Variants in MYRIP observed in about 807,000 individuals in gnomAD.
MYRIP encodes the protein myosin VIIA and Rab interacting protein, also known as rab effector MyRIP.
A neutral mutation model predicts 98.0 loss-of-function variants in MYRIP; 49 were observed. The ratio of observed to expected loss-of-function variants is 0.50; its 90% confidence interval spans 0.40 to 0.63. MYRIP has a LOEUF of 0.63. Ranked by LOEUF, MYRIP falls within the 30% of genes least tolerant of loss-of-function variation. The pLI, the probability that MYRIP is intolerant of heterozygous loss-of-function variation, is 0.00. For synonymous variants in MYRIP, 404 were observed against 409.5 expected (o/e 0.99, Z 0.16); for missense variants, 1,004 against 1,058.2 (o/e 0.95, Z 0.71).
intron 2 of MYRIP, among the ~76,000 whole-genome samples, chr3:40,011,808 A>G (rs1414636123): frequency 6.6e-6 from 1 of 152,236 alleles, no homozygotes; most frequent in Non-Finnish European, 1.5e-5. Flanking sequence ...ATAAGTAAAT[A>G]CACAAAATGA....
intron 3 of MYRIP, among the ~76,000 whole-genome samples, chr3:40,123,736 G>A (rs919119793): frequency 2.0e-5 from 3 of 152,152 alleles, no homozygotes; most frequent in African/African-American, 7.2e-5. Context: ...GTCTGTGTGT[G>A]CCCCACCTGT....
At chr3:40,036,326 T>TAAAAAAAAAA (rs1947385173) in intron 2 of MYRIP, among the ~76,000 whole-genome samples, 1 of 44,770 alleles carries the variant, frequency 2.2e-5, no homozygotes, top group African/African-American at 6.2e-5. Context: ...AAAAAAAAAC[T>TAAAAAAAAAA]TTATTCAAAA....
At chr3:39,830,259 G>C (rs1474917774) in intron 1 of MYRIP, among the ~76,000 whole-genome samples, 1 of 152,062 alleles carries the variant, frequency 6.6e-6, no homozygotes, top group African/African-American at 2.4e-5. Context: ...CCATAGCACT[G>C]GTCAAATCCT....
intron 11 of MYRIP, 140 bp from the exon 12 acceptor site, chr3:40,233,719 T>C (rs554988734): frequency 5.3e-5 from 42 of 787,904 alleles, no homozygotes; most frequent in Middle Eastern, 6.1e-4. Context: ...AATTTTCTCA[T>C]TCTTCAGCAC....
At chr3:39,940,137 C>T (rs1057107809) in intron 2 of MYRIP, among the ~76,000 whole-genome samples, 2 of 152,016 alleles carry the variant, frequency 1.3e-5, no homozygotes, top group African/African-American at 4.8e-5. Flanking sequence ...TTTTAACACA[C>T]TTGAATCATA....
At chr3:39,893,741 A>C (rs1203534238) in intron 1 of MYRIP, among the ~76,000 whole-genome samples, 1 of 151,962 alleles carries the variant, frequency 6.6e-6, no homozygotes, top group Admixed American at 6.6e-5. Context: ...AAAAACAAAA[A>C]ATTGAGGCAA....
chr3:39,980,755 A>C (rs1352166406), intron 2 of MYRIP, among the ~76,000 whole-genome samples: 1 of 152,166 alleles, frequency 6.6e-6, no homozygotes, highest in Non-Finnish European at 1.5e-5. Context: ...CATATTTCAC[A>C]TTTGATCAGT....
chr3:40,002,261 G>A (rs963738065), intron 2 of MYRIP, among the ~76,000 whole-genome samples: 3 of 152,180 alleles, frequency 2.0e-5, no homozygotes, highest in Non-Finnish European at 4.4e-5. Flanking sequence ...GAGGCTGAGC[G>A]TGGTGGCTCA....
At chr3:40,069,015 TC>T (rs1575511256) in intron 3 of MYRIP, among the ~76,000 whole-genome samples, 1 of 152,138 alleles carries the variant, frequency 6.6e-6, no homozygotes, top group African/African-American at 2.4e-5. Context: ...ACAAAACACA[TC>T]TAAGAAACAA....
intron 1 of MYRIP, among the ~76,000 whole-genome samples, chr3:39,859,602 T>C (rs1302377604): frequency 6.6e-6 from 1 of 152,198 alleles, no homozygotes; most frequent in Non-Finnish European, 1.5e-5. Flanking sequence ...CTGATGAACA[T>C]AGATGTAAAA....
intron 3 of MYRIP, among the ~76,000 whole-genome samples, chr3:40,077,802 G>A (rs1424958955): frequency 6.6e-6 from 1 of 152,276 alleles, no homozygotes; most frequent in Non-Finnish European, 1.5e-5. Flanking sequence ...TAGACATAAA[G>A]GTTCTCCACG....
In MYRIP at chr3:40,033,815, C is replaced by G. The variant is rs565779771; in HGVS notation, c.111-10235C>G. On this transcript the variant is annotated intron_variant, in intron 2 of 16. Coordinates refer to ENST00000302541, the MANE Select transcript of MYRIP (RefSeq NM_015460.4). ...CTGGAGGCATCACGCTACCTGACTTCAAACTATACTACAAGGCTACAGTAA... is the reference window on the plus strand; with the variant it reads ...CTGGAGGCATCACGCTACCTGACTTGAAACTATACTACAAGGCTACAGTAA... 3.9e-5 allele frequency among the ~76,000 whole-genome samples: 6 copies of G among 152,224 alleles called. No homozygotes were observed. In the South Asian group the frequency reaches 1.2e-3, roughly 32 times the overall value.
intron 2 of MYRIP, among the ~76,000 whole-genome samples, chr3:39,950,446 C>T (rs1178976365): frequency 1.3e-5 from 2 of 152,112 alleles, no homozygotes; most frequent in African/African-American, 4.8e-5. Flanking sequence ...GAAACATATG[C>T]TTTCCTGAAA....
chr3:40,250,263 A>G lies in MYRIP; in HGVS notation c.2304A>G (p.Ala768=), dbSNP rs768822482. ...GCCGGATTTCAGCCCTGACCATTGC[A>G]GGATTAAACATAGCACCATGTGTGC... The part of the protein sequence containing the change: ...IESRISALTI[A]GLNIAPCVRF... Residue 768 remains alanine, a synonymous_variant, in exon 14 of 17, where the codon GCA becomes GCG. Coordinates refer to ENST00000302541, the MANE Select transcript of MYRIP (RefSeq NM_015460.4). 12 of 1,614,154 alleles carry G rather than the reference A, an allele frequency of 7.4e-6. No homozygotes were observed. In the South Asian group the frequency reaches 1.3e-4, roughly 18 times the overall value.
chr3:40,137,255 C>T (rs1254787831), intron 3 of MYRIP, among the ~76,000 whole-genome samples: 1 of 152,214 alleles, frequency 6.6e-6, no homozygotes, highest in Admixed American at 6.5e-5. Flanking sequence ...ACTATTAACA[C>T]CTCTACGTGA....
chr3:39,833,437 A>G (rs967403656), intron 1 of MYRIP, among the ~76,000 whole-genome samples: 1 of 152,154 alleles, frequency 6.6e-6, no homozygotes, highest in African/African-American at 2.4e-5. Flanking sequence ...ACTGTTTTGT[A>G]GAATTGAGAC....
chr3:40,171,276 G>T, intron 8 of MYRIP, among the ~76,000 whole-genome samples: 1 of 152,082 alleles, frequency 6.6e-6, no homozygotes, highest in East Asian at 1.9e-4. Flanking sequence ...TCATAATTGG[G>T]TGCTGAGTTG....
intron 1 of MYRIP, among the ~76,000 whole-genome samples, chr3:39,854,785 T>C (rs1942237427): frequency 6.6e-6 from 1 of 152,106 alleles, no homozygotes; most frequent in African/African-American, 2.4e-5. Context: ...AGTGGAGAGG[T>C]CTTAATCTCA....
At chr3:40,154,122 G>A (rs964180243) in intron 4 of MYRIP, among the ~76,000 whole-genome samples, 3 of 148,304 alleles carry the variant, frequency 2.0e-5, no homozygotes, top group Non-Finnish European at 3.0e-5. Context: ...CCTGGCAATA[G>A]AGTGAGATTC....
Sources: allele counts gnomAD v4.1 joint callset (sites outside exome capture counted in the v4.1 genomes callset), GRCh38; gene constraint gnomAD v4.1.1; transcripts MANE v1.5; gene names NCBI Gene and HGNC (gene_info 2026-07-23, HGNC 2026-07-21).